Variants in B3GNT9 observed in about 807,000 individuals in gnomAD.
B3GNT9 encodes the protein BGnT-9.
For missense variants in B3GNT9, 669 were observed against 599.2 expected (o/e 1.12, Z -1.22); for synonymous variants, 359 against 283.9 (o/e 1.26, Z -2.66).
Position 67,149,861 on chromosome 16 carries a change from TCTC to T in B3GNT9, c.622_624del (p.Glu208del). ...GCTGAGGCCCAGGCTAGAAAGTGGA[TCTC>T]CTTGAGCGTTAGGTTAAAAAAGGTG... On this transcript the variant is annotated inframe_deletion, in exon 2 of 2. Transcript: ENST00000449549. 6.2e-7 allele frequency: 1 copy of T among 1,613,292 alleles called. No homozygotes were observed. The highest frequency in any genetic ancestry group is 8.5e-7 in the Non-Finnish European group (1 of 1,179,566).
At position 67,150,529 on chromosome 16, in the gene B3GNT9, C is replaced by T; in HGVS notation, c.-44G>A. On this transcript the variant is annotated 5_prime_UTR_variant, in exon 2 of 2. Transcript: ENST00000449549. ...CTCCCTCCCCTGTAAGGGTCGCAGTCGGCAGCAGGGGGCAGCGAGCCCCGC... is the reference window on the plus strand; with the variant it reads ...CTCCCTCCCCTGTAAGGGTCGCAGTTGGCAGCAGGGGGCAGCGAGCCCCGC... 3 of 1,253,540 alleles carry T rather than the reference C, an allele frequency of 2.4e-6. No individual in the cohort carries two copies. Among genetic ancestry groups the T allele is most frequent in the African/African-American group, 1.6e-5 (1 of 64,514 alleles). 77.7% of individuals were successfully genotyped at this position (1,253,540 alleles called of 1,614,324 possible).
rs376245125 is a variant in B3GNT9 at position 67,149,698 on chromosome 16, G to A, written c.788C>T (p.Pro263Leu). The change falls in exon 2 of 2, where the codon CCC (proline) becomes CTC (leucine). Residue 263 changes from proline (P) to leucine (L), a missense_variant. Coordinates refer to ENST00000449549, the MANE Select transcript of B3GNT9 (RefSeq NM_033309.3). ...LAGDVIVHAR[P>L]IRTRASKYYI... Reference sequence around the variant, plus strand: ...GTACTTGCTAGCCCGCGTGCGGATGGGCCGCGCATGCACAATTACGTCACC... The same window carrying A: ...GTACTTGCTAGCCCGCGTGCGGATGAGCCGCGCATGCACAATTACGTCACC... 1.2e-6 allele frequency: 2 copies of A among 1,612,684 alleles called. No individual in the cohort carries two copies. Among genetic ancestry groups the A allele is most frequent in the Non-Finnish European group, 1.7e-6 (2 of 1,179,506 alleles).
rs939829040 is a variant in B3GNT9 at position 67,150,053 on chromosome 16, C to G, written c.433G>C (p.Val145Leu). 63 of 1,488,000 alleles carry G rather than the reference C, an allele frequency of 4.2e-5. No homozygotes were observed. Among genetic ancestry groups the G allele is most frequent in the Non-Finnish European group, 5.5e-5 (62 of 1,121,930 alleles). The allele number at this position is 1,488,000 out of a possible 1,614,324, so 92.2% of individuals were successfully genotyped here. A position where few individuals can be genotyped will look rare whatever the true frequency, so the allele number is the denominator to read the frequency against. The part of the protein sequence containing the change: ...VRQTWGAEGR[V>L]QGALVRRVFL... ...ACGCGGCGCACCAGCGCCCCCTGCACGCGACCCTCCGCGCCCCACGTCTGG... is the reference window on the plus strand; with the variant it reads ...ACGCGGCGCACCAGCGCCCCCTGCAGGCGACCCTCCGCGCCCCACGTCTGG... Residue 145 changes from valine (V) to leucine (L), a missense_variant, in exon 2 of 2, where the codon GTG becomes CTG. By Grantham distance (32) the Val-to-Leu change is conservative. Transcript: ENST00000449549.
At position 67,149,631 on chromosome 16, in the gene B3GNT9, G is replaced by A. The variant is rs888181560; in HGVS notation, c.855C>T (p.Ala285=). 5 of 1,601,188 alleles carry A rather than the reference G, an allele frequency of 3.1e-6. No homozygotes were observed. Among genetic ancestry groups the A allele is most frequent in the Non-Finnish European group, 4.3e-6 (5 of 1,174,160 alleles). Residue 285 remains alanine, a synonymous_variant, in exon 2 of 2, where the codon GCC becomes GCT. Coordinates refer to ENST00000449549, the MANE Select transcript of B3GNT9 (RefSeq NM_033309.3). ...GCACAAAGCCACCGCCGCCCGCGTA[G>A]GCCGGATAGGCGGGCAGGCCGTACA... The part of the protein sequence containing the change: ...EAVYGLPAYP[A]YAGGGGFVLS...
rs753678246 is a variant in B3GNT9 at position 67,149,327 on chromosome 16, A to G, written c.1159T>C (p.Cys387Arg). 12 of 1,591,280 alleles carry G rather than the reference A, an allele frequency of 7.5e-6. No individual in the cohort carries two copies. The highest frequency in any genetic ancestry group is 9.4e-6 in the Non-Finnish European group (11 of 1,168,366). The change falls in exon 2 of 2, where the codon TGT (cysteine) becomes CGT (arginine). Residue 387 changes from cysteine (C) to arginine (R), a missense_variant. Transcript: ENST00000449549. ...RLLHGPHGPA[C>R]AHPQPVAAGP... The stretch of plus-strand genomic sequence containing the variant: ...GCAGCGACAGGCTGTGGATGCGCAC[A>G]GGCTGGCCCATGCGGCCCGTGCAGC...
rs1248880736 is a variant in B3GNT9, at chr16:67,150,190, A to T, written c.296T>A (p.Leu99His). The T allele has an allele frequency of 6.4e-7, 1 of 1,559,656 alleles. No homozygotes were observed. ...GCGGCACTTGTGCGGCTGGTTAATG[A>T]GCAGTGGAAACCGCCGCTGGTCCTT... The part of the protein sequence containing the change: ...RAKDQRRFPL[L>H]INQPHKCRGD... Residue 99 changes from leucine to histidine, a missense_variant, in exon 2 of 2, where the codon CTC becomes CAC. Transcript: ENST00000449549.
rs760473632 is a variant in B3GNT9, at chr16:67,150,243, G to A, written c.243C>T (p.Pro81=). ...CGCGCAAATAGCGGGCGAAGTCAAA[G>A]GGTCCCGTAGGCGTGGGCGGCGCCG... ...DTPAPPTPTG[P]FDFARYLRAK... is the part of the protein sequence containing the mutation. Residue 81 remains proline (P), a synonymous_variant, in exon 2 of 2, where the codon CCC becomes CCT. Coordinates refer to ENST00000449549, the MANE Select transcript of B3GNT9 (RefSeq NM_033309.3). 5.2e-6 allele frequency: 8 copies of A among 1,531,920 alleles called. No homozygotes were observed. Among genetic ancestry groups the A allele is most frequent in the South Asian group, 1.2e-5 (1 of 82,232 alleles). 94.9% of individuals were successfully genotyped at this position (1,531,920 alleles called of 1,614,324 possible).
chr16:67,149,245 C>A lies in B3GNT9; in HGVS notation c.*32G>T. 1 of 1,508,760 alleles carries A rather than the reference C, an allele frequency of 6.6e-7. No homozygotes were observed. The highest frequency in any genetic ancestry group is 8.8e-7 in the Non-Finnish European group (1 of 1,130,050). 93.5% of individuals were successfully genotyped at this position (1,508,760 alleles called of 1,614,324 possible). Reference sequence around the variant, plus strand: ...CTGGGAAACCGGCTCCATTCTGGGTCTGAGTTAGGAGCTTGGGGCTGTAGT... The same window carrying A: ...CTGGGAAACCGGCTCCATTCTGGGTATGAGTTAGGAGCTTGGGGCTGTAGT... On this transcript the variant is annotated 3_prime_UTR_variant, in exon 2 of 2. Coordinates refer to ENST00000449549, the MANE Select transcript of B3GNT9 (RefSeq NM_033309.3).
Position 67,150,644 on chromosome 16 carries a change from G to A in B3GNT9, c.-159C>T. The A allele has an allele frequency of 1.9e-6, 1 of 531,252 alleles. No homozygotes were observed. Among genetic ancestry groups the A allele is most frequent in the Non-Finnish European group, 2.9e-6 (1 of 348,354 alleles). The allele number at this position is 531,252 out of a possible 1,614,324, so 32.9% of individuals were successfully genotyped here. On this transcript the variant is annotated 5_prime_UTR_variant, in exon 2 of 2. Coordinates refer to ENST00000449549, the MANE Select transcript of B3GNT9 (RefSeq NM_033309.3). ...CCCTTGCGTTGTTCTCCTCCTCCCG[G>A]CCGTGTCGCACCGCCGGGACCGGCA...
chr16:67,150,466 A>G lies in B3GNT9; in HGVS notation c.20T>C (p.Leu7Pro), dbSNP rs935845412. 1.2e-4 allele frequency: 158 copies of G among 1,327,718 alleles called. No homozygotes were observed. Among genetic ancestry groups the G allele is most frequent in the Non-Finnish European group, 1.4e-4 (148 of 1,041,372 alleles). 82.2% of individuals were successfully genotyped at this position (1,327,718 alleles called of 1,614,324 possible). Reference sequence around the variant, plus strand: ...CAGCGTGAGCAATGCGTCCCTGCGTAGGCGCAGCCTCCTCCTCATCTCCGC... The same window carrying G: ...CAGCGTGAGCAATGCGTCCCTGCGTGGGCGCAGCCTCCTCCTCATCTCCGC... Reference protein sequence around the residue: MRRRLRLRRDALLTLLL... With the variant: MRRRLRPRRDALLTLLL... The change falls in exon 2 of 2, where the codon CTA (leucine) becomes CCA (proline). Residue 7 changes from leucine (L) to proline (P), a missense_variant. Leu to Pro is a moderately conservative substitution (Grantham distance 98, BLOSUM62 -3). Transcript: ENST00000449549.
chr16:67,150,249 C>T lies in B3GNT9; in HGVS notation c.237G>A (p.Thr79=), dbSNP rs753625892. The change falls in exon 2 of 2, where the codon ACG becomes ACA. Residue 79 remains threonine, a synonymous_variant. Transcript: ENST00000449549. ...EGDTPAPPTP[T]GPFDFARYLR... ...AATAGCGGGCGAAGTCAAAGGGTCC[C>T]GTAGGCGTGGGCGGCGCCGGTGTGT... 2 of 1,525,626 alleles carry T rather than the reference C, an allele frequency of 1.3e-6. No homozygotes were observed. The highest frequency in any genetic ancestry group is 1.8e-6 in the Non-Finnish European group (2 of 1,136,808). The allele number at this position is 1,525,626 out of a possible 1,614,324, so 94.5% of individuals were successfully genotyped here.
Position 67,150,287 on chromosome 16 carries a change from C to T in B3GNT9, c.199G>A (p.Ala67Thr). 1 of 1,437,898 alleles carries T rather than the reference C, an allele frequency of 7.0e-7. No individual in the cohort carries two copies. The highest frequency in any genetic ancestry group is 9.2e-7 in the Non-Finnish European group (1 of 1,090,740). 89.1% of individuals were successfully genotyped at this position (1,437,898 alleles called of 1,614,324 possible). ...GGCGCCGGTGTGTCCCCTTCGTAGG[C>T]CGGCGGGGCTGCACCCGCGTCGGGT... ...QLPDAGAAPP[A>T]YEGDTPAPPT... is the part of the protein sequence containing the mutation. The change falls in exon 2 of 2, where the codon GCC becomes ACC. Residue 67 changes from alanine to threonine, a missense_variant. Transcript: ENST00000449549.
chr16:67,149,864 CCT>C lies in B3GNT9; in HGVS notation c.620_621del (p.Lys207ArgfsTer20). The C allele has an allele frequency of 6.2e-7, 1 of 1,613,278 alleles. No individual in the cohort carries two copies. Among genetic ancestry groups the C allele is most frequent in the Non-Finnish European group, 8.5e-7 (1 of 1,179,534 alleles). ...FDDTFFNLTLKEIHFLAWASA... is the reference protein window; with the variant it reads ...FDDTFFNLTLXEIHFLAWASA... The stretch of plus-strand genomic sequence containing the variant: ...GAGGCCCAGGCTAGAAAGTGGATCT[CCT>C]TGAGCGTTAGGTTAAAAAAGGTGTC... On this transcript the variant is annotated frameshift_variant, in exon 2 of 2. Transcript: ENST00000449549. LOFTEE classifies it low-confidence loss of function (END_TRUNC).
chr16:67,148,541 G>GT lies in B3GNT9; in HGVS notation c.*735dup, dbSNP rs1183601319. On this transcript the variant is annotated 3_prime_UTR_variant, in exon 2 of 2. Coordinates refer to ENST00000449549, the MANE Select transcript of B3GNT9 (RefSeq NM_033309.3). ...CTGTTGCTGGGATGTTTGTATTAAG[G>GT]TAAGTGTGGGTATTGGTTTTTTGAG... 2 of 152,156 alleles carry GT rather than the reference G, an allele frequency of 1.3e-5. No homozygotes were observed. Among genetic ancestry groups the GT allele is most frequent in the Non-Finnish European group, 2.9e-5 (2 of 68,002 alleles). The allele number at this position is 152,156 out of a possible 1,614,324, so 9.4% of individuals were successfully genotyped here. A position where few individuals can be genotyped will look rare whatever the true frequency, so the allele number is the denominator to read the frequency against.
At position 67,149,607 on chromosome 16, in the gene B3GNT9, CACAAAGCCACCGCCGCCCGCGTAG is replaced by C. The variant is rs777691980; in HGVS notation, c.855_878del (p.Tyr286_Val293del). The C allele has an allele frequency of 6.3e-7, 1 of 1,598,050 alleles. No individual in the cohort carries two copies. The highest frequency in any genetic ancestry group is 1.7e-5 in the Admixed American group (1 of 57,222). On this transcript the variant is annotated inframe_deletion, in exon 2 of 2. Transcript: ENST00000449549. Reference sequence around the variant, plus strand: ...GGCGGTGCAGCGTGGCCCCGGAAAGCACAAAGCCACCGCCGCCCGCGTAGGCCGGATAGGCGGGCAGGCCGTACA... The same window carrying C: ...GGCGGTGCAGCGTGGCCCCGGAAAGCGCCGGATAGGCGGGCAGGCCGTACA...
In B3GNT9 at chr16:67,149,706, A is replaced by G. The variant is rs1170876027; in HGVS notation, c.780T>C (p.His260=). 1.2e-6 allele frequency: 2 copies of G among 1,613,178 alleles called. No individual in the cohort carries two copies. The highest frequency in any genetic ancestry group is 1.1e-5 in the South Asian group (1 of 91,074). The change falls in exon 2 of 2, where the codon CAT becomes CAC. Residue 260 remains histidine, a synonymous_variant. Coordinates refer to ENST00000449549, the MANE Select transcript of B3GNT9 (RefSeq NM_033309.3). ...QDLLAGDVIV[H]ARPIRTRASK... is the part of the protein sequence containing the mutation. ...TAGCCCGCGTGCGGATGGGCCGCGC[A>G]TGCACAATTACGTCACCAGCAAGCA...
chr16:67,149,165 T>G lies in B3GNT9; in HGVS notation c.*112A>C. On this transcript the variant is annotated 3_prime_UTR_variant, in exon 2 of 2. Coordinates refer to ENST00000449549, the MANE Select transcript of B3GNT9 (RefSeq NM_033309.3). ...CAAGCTTAACCCCCATCCCCTGGGA[T>G]CCTGTGGAGACAGGCACCTGGTGAT... is the stretch of plus-strand genomic sequence containing the variant. 7.0e-7 allele frequency: 1 copy of G among 1,436,688 alleles called. No individual in the cohort carries two copies. The highest frequency in any genetic ancestry group is 2.6e-5 in the East Asian group (1 of 39,050). 89.0% of individuals were successfully genotyped at this position (1,436,688 alleles called of 1,614,324 possible).
rs2030454448 is a variant in B3GNT9 at position 67,150,845 on chromosome 16, C to T, written c.-187+20G>A. On this transcript the variant is annotated intron_variant, in intron 1 of 1. Coordinates refer to ENST00000449549, the MANE Select transcript of B3GNT9 (RefSeq NM_033309.3). ...CCCTGCCATCCCCTCAATGTCGGGC[C>T]CTGGGGTCCCGACACTCACGCTCGG... 5.4e-6 allele frequency: 1 copy of T among 186,780 alleles called. No homozygotes were observed. The highest frequency in any genetic ancestry group is 2.3e-5 in the African/African-American group (1 of 42,888). 11.6% of individuals were successfully genotyped at this position (186,780 alleles called of 1,614,324 possible).
Position 67,150,406 on chromosome 16 carries a change from G to A in B3GNT9, c.80C>T (p.Ala27Val), listed in dbSNP as rs1343572562. ...CGTCGGGGCCGCGCCGTCGCGCTGCGCATAGAGTAAGAGGCCCAGGGAGGC... is the reference window on the plus strand; with the variant it reads ...CGTCGGGGCCGCGCCGTCGCGCTGCACATAGAGTAAGAGGCCCAGGGAGGC... ...LGASLGLLLY[A>V]QRDGAAPTAS... The change falls in exon 2 of 2, where the codon GCG becomes GTG. Residue 27 changes from alanine to valine, a missense_variant. By Grantham distance (64) the Ala-to-Val change is moderately conservative. Transcript: ENST00000449549. 2.2e-6 allele frequency: 3 copies of A among 1,362,186 alleles called. No homozygotes were observed. The highest frequency in any genetic ancestry group is 9.4e-7 in the Non-Finnish European group (1 of 1,060,400). 84.4% of individuals were successfully genotyped at this position (1,362,186 alleles called of 1,614,324 possible). A position where few individuals can be genotyped will look rare whatever the true frequency, so the allele number is the denominator to read the frequency against.
Sources: allele counts gnomAD v4.1 joint callset, GRCh38; gene constraint gnomAD v4.1.1; transcripts MANE v1.5; gene names NCBI Gene and HGNC (gene_info 2026-07-23, HGNC 2026-07-21).